The following SYNJ1 variants were observed in gnomAD, a reference collection of about 807,000 sequenced individuals.
SYNJ1 encodes the protein polyphosphatidylinositol phosphatase SYNJ1.
Under a neutral mutation model 168.2 loss-of-function variants are expected in SYNJ1, and 78 were observed. The ratio of observed to expected loss-of-function variants is 0.46; its 90% CI spans 0.39 to 0.56. SYNJ1 has a LOEUF of 0.56. SYNJ1 is among the 20% of genes least tolerant of loss of function. The probability of loss-of-function intolerance (pLI) is 0.00; values close to 1 mark genes in which losing one functional copy is unlikely to be tolerated. For synonymous variants in SYNJ1, 539 were observed against 548.6 expected, an observed-to-expected ratio of 0.98 and a Z score of 0.24; for missense variants, 1,303 against 1,597.6, an observed-to-expected ratio of 0.82 and a Z score of 3.14.
chr21:32,631,243 C>T lies in SYNJ1; in HGVS notation c.*562G>A. 6.2e-7 allele frequency: 1 copy of T among 1,614,248 alleles called. No individual in the cohort carries two copies. Among genetic ancestry groups the T allele is most frequent in the Non-Finnish European group, 8.5e-7 (1 of 1,180,042 alleles). On this transcript the variant is annotated 3_prime_UTR_variant, in exon 33 of 33. Coordinates refer to ENST00000674351, the MANE Select transcript of SYNJ1 (RefSeq NM_203446.3). ...CAAGCTGACTTTGACTTCCCTTTCA[C>T]ACCAAAATCCTCTTCTTCCTCGAAG...
chr21:32,689,712 G>T (rs2146120322), intron 6 of SYNJ1, among the ~76,000 whole-genome samples: 1 of 152,346 alleles, frequency 6.6e-6, no homozygotes, highest in African/African-American at 2.4e-5. Context: ...TGAATTAACA[G>T]TACAGTATTA....
intron 18 of SYNJ1, among the ~76,000 whole-genome samples, chr21:32,662,072 TC>T (rs1468255102): frequency 6.6e-6 from 1 of 152,074 alleles, no homozygotes; most frequent in Non-Finnish European, 1.5e-5. Context: ...GGAGAAGGAA[TC>T]CCAGCCTGGA....
At chr21:32,685,072 C>T (rs917040143) in intron 9 of SYNJ1, among the ~76,000 whole-genome samples, 26 of 151,120 alleles carry the variant, frequency 1.7e-4, no homozygotes, top group African/African-American at 6.1e-4. Flanking sequence ...GTCCCAGCTA[C>T]TCAGGAGGCT....
chr21:32,689,715 C>G (rs1410375364), intron 6 of SYNJ1, among the ~76,000 whole-genome samples: 1 of 152,206 alleles, frequency 6.6e-6, no homozygotes, highest in East Asian at 1.9e-4. Context: ...ATTAACAGTA[C>G]AGTATTATCA....
chr21:32,724,152 A>AATCT (rs1344262714), intron 2 of SYNJ1, among the ~76,000 whole-genome samples: 2 of 152,166 alleles, frequency 1.3e-5, no homozygotes, highest in Non-Finnish European at 2.9e-5. Context: ...GTACAAACTT[A>AATCT]ATCTTGGTGA....
At chr21:32,702,449 C>T (rs1351403253) in intron 2 of SYNJ1, among the ~76,000 whole-genome samples, 2 of 152,080 alleles carry the variant, frequency 1.3e-5, no homozygotes, top group South Asian at 2.1e-4. Flanking sequence ...ATTTCTTCTG[C>T]TATAAAGTTA....
intron 2 of SYNJ1, among the ~76,000 whole-genome samples, chr21:32,713,689 C>T (rs894459452): frequency 1.3e-5 from 2 of 150,430 alleles, no homozygotes; most frequent in Non-Finnish European, 3.0e-5. Flanking sequence ...CATATATCAA[C>T]ATGGATGATT....
intron 31 of SYNJ1, among the ~76,000 whole-genome samples, chr21:32,637,414 T>C (rs902245345): frequency 4.2e-5 from 6 of 142,980 alleles, no homozygotes; most frequent in Admixed American, 3.5e-4. Flanking sequence ...TTCTTTTTTT[T>C]TTTTTTTTTT....
intron 2 of SYNJ1, among the ~76,000 whole-genome samples, chr21:32,715,913 C>T (rs2043007954): frequency 6.6e-6 from 1 of 152,114 alleles, no homozygotes; most frequent in Non-Finnish European, 1.5e-5. Flanking sequence ...TTATATATCT[C>T]TCCAAATGCC....
At position 32,631,082 on chromosome 21, in the gene SYNJ1, C is replaced by G; in HGVS notation, c.*723G>C. The G allele has an allele frequency of 6.2e-7, 1 of 1,614,132 alleles. No homozygotes were observed. Among genetic ancestry groups the G allele is most frequent in the South Asian group, 1.1e-5 (1 of 91,074 alleles). ...CTGGAGGGCTGGTGCCGGGCGGGAGCAGAGGGACAGGAGGTGGAGGAGGTC... is the reference window on the plus strand; with the variant it reads ...CTGGAGGGCTGGTGCCGGGCGGGAGGAGAGGGACAGGAGGTGGAGGAGGTC... On this transcript the variant is annotated 3_prime_UTR_variant, in exon 33 of 33. Transcript: ENST00000674351.
intron 2 of SYNJ1, among the ~76,000 whole-genome samples, chr21:32,710,528 C>CT (rs879712644): frequency 3.6e-4 from 53 of 147,526 alleles, no homozygotes; most frequent in South Asian, 6.5e-4. Context: ...GACATTTGAA[C>CT]TTTTTTTTTT....
chr21:32,709,940 T>C (rs2146294400), intron 2 of SYNJ1, among the ~76,000 whole-genome samples: 1 of 152,232 alleles, frequency 6.6e-6, no homozygotes, highest in Middle Eastern at 3.4e-3. Flanking sequence ...GGCTCATGCC[T>C]GTAATCCCAG....
chr21:32,715,748 A>G (rs2043002805), intron 2 of SYNJ1, among the ~76,000 whole-genome samples: 1 of 152,218 alleles, frequency 6.6e-6, no homozygotes, highest in Non-Finnish European at 1.5e-5. Context: ...TACATTTAAC[A>G]TATAGAAATA....
chr21:32,639,711 C>T lies in SYNJ1; in HGVS notation c.3657G>A (p.Leu1219=). 1 of 1,614,138 alleles carries T rather than the reference C, an allele frequency of 6.2e-7. No individual in the cohort carries two copies. The highest frequency in any genetic ancestry group is 8.5e-7 in the Non-Finnish European group (1 of 1,180,032). Residue 1219 remains leucine (L), a synonymous_variant, in exon 30 of 33, where the codon CTG becomes CTA. Transcript: ENST00000674351. ...QSHARASAGR[L]TPESQSKTSE... is the part of the protein sequence containing the mutation. ...ATGTTTTGCTTTGGCTTTCAGGAGTCAGTCTTCCAGCAGATGCCCGCGCGT... is the reference window on the plus strand; with the variant it reads ...ATGTTTTGCTTTGGCTTTCAGGAGTTAGTCTTCCAGCAGATGCCCGCGCGT...
At chr21:32,650,069 A>T in intron 23 of SYNJ1, 115 bp downstream of exon 23, 1 of 1,244,940 alleles carries the variant, frequency 8.0e-7, no homozygotes, top group Non-Finnish European at 1.1e-6. Context: ...TCTAATTAAT[A>T]GTGCTATGTA....
chr21:32,687,192 A>T (rs934513090), intron 7 of SYNJ1, 118 bp from the exon 8 acceptor site: 10 of 545,536 alleles, frequency 1.8e-5, no homozygotes, highest in Non-Finnish European at 2.7e-5. Flanking sequence ...CAGAATTGGA[A>T]AACTGGGTGC....
chr21:32,667,253 A>G (rs915921223), intron 15 of SYNJ1, among the ~76,000 whole-genome samples: 16 of 152,306 alleles, frequency 1.1e-4, no homozygotes, highest in African/African-American at 3.8e-4. Context: ...TGTGCTTCCA[A>G]ATACATTTCC....
rs11702774 is a variant in SYNJ1, at chr21:32,641,882, G to A, written c.3588+14C>T. The stretch of plus-strand genomic sequence containing the variant: ...GAACCGAGACCCCTTGGCCCCAGGC[G>A]AGGTTTTACCTACCGGTCTGGCTGT... On this transcript the variant is annotated intron_variant, in intron 29 of 32. Coordinates refer to ENST00000674351, the MANE Select transcript of SYNJ1 (RefSeq NM_203446.3). 0.22 allele frequency: 343,648 copies of A among 1,597,490 alleles called. 38,643 individuals are homozygous for A. The highest frequency in any genetic ancestry group is 0.35 in the East Asian group (15,305 of 43,858).
chr21:32,712,601 T>C (rs764073386), intron 2 of SYNJ1, among the ~76,000 whole-genome samples: 1 of 151,714 alleles, frequency 6.6e-6, no homozygotes, highest in Admixed American at 6.6e-5. Flanking sequence ...ATGCCTACCA[T>C]GCACCAGGCC....
Sources: gnomAD v4.1 joint callset for allele counts (sites outside exome capture counted in the v4.1 genomes callset) on GRCh38, gnomAD v4.1.1 for gene constraint, MANE v1.5 for transcripts, NCBI Gene and HGNC (gene_info 2026-07-23, HGNC 2026-07-21) for gene names.